The following FAM193A variants were observed in gnomAD, a reference collection of about 807,000 sequenced individuals.
The protein encoded by FAM193A is family with sequence similarity 193 member A, also known as protein FAM193A.
FAM193A carries 22 observed loss-of-function variants against 126.5 expected under a neutral mutation model. The ratio of observed to expected loss-of-function variants is 0.17; its 90% CI spans 0.12 to 0.25. FAM193A has a LOEUF of 0.25. Ranked by LOEUF, FAM193A falls within the 10% of genes least tolerant of loss-of-function variation. FAM193A has a pLI of 1.00. For synonymous variants in FAM193A, 761 were observed against 646.8 expected, an observed-to-expected ratio of 1.18 and a Z score of -2.68; for missense variants, 1,675 against 1,672.8, an observed-to-expected ratio of 1.00 and a Z score of -0.02.
intron 1 of FAM193A, among the ~76,000 whole-genome samples, chr4:2,576,977 T>G (rs1739623381): frequency 6.6e-6 from 1 of 152,250 alleles, no homozygotes; most frequent in South Asian, 2.1e-4. Flanking sequence ...CTGTAACATA[T>G]TCACAAAGCA....
intron 2 of FAM193A, chr4:2,608,244 T>A: frequency 1.2e-6 from 1 of 846,048 alleles, no homozygotes; most frequent in Non-Finnish European, 1.8e-6. Context: ...AGTGGTGCAA[T>A]CCTGATTCTC....
intron 8 of FAM193A, among the ~76,000 whole-genome samples, 185 bp from the exon 9 acceptor site, chr4:2,659,373 C>A (rs1712113223): frequency 6.6e-6 from 1 of 152,138 alleles, no homozygotes; most frequent in Non-Finnish European, 1.5e-5. Context: ...GTACCCGAGC[C>A]CTTTGCAGCT....
At chr4:2,594,361 C>T (rs1157714364) in intron 1 of FAM193A, among the ~76,000 whole-genome samples, 1 of 152,094 alleles carries the variant, frequency 6.6e-6, no homozygotes, top group African/African-American at 2.4e-5. Flanking sequence ...GGGGAGACAG[C>T]TCGAGGCTGT....
At chr4:2,700,961 T>C (rs991176136) in intron 19 of FAM193A, among the ~76,000 whole-genome samples, 1 of 150,386 alleles carries the variant, frequency 6.6e-6, no homozygotes, top group Admixed American at 6.6e-5. Context: ...AGACTCCATC[T>C]CAAAAAATAC....
At chr4:2,705,112 G>T (rs7677403) in intron 19 of FAM193A, among the ~76,000 whole-genome samples, 1 of 152,060 alleles carries the variant, frequency 6.6e-6, no homozygotes, top group Non-Finnish European at 1.5e-5. Context: ...GGGTTTCACC[G>T]TGTTAGCCGG....
intron 2 of FAM193A, among the ~76,000 whole-genome samples, chr4:2,619,163 T>G (rs1438703042): frequency 6.6e-6 from 1 of 152,230 alleles, no homozygotes; most frequent in African/African-American, 2.4e-5. Flanking sequence ...GTTTATTTAT[T>G]TATTGACATC....
At chr4:2,625,898 A>G (rs761876953) in intron 3 of FAM193A, among the ~76,000 whole-genome samples, 1 of 151,822 alleles carries the variant, frequency 6.6e-6, no homozygotes, top group Non-Finnish European at 1.5e-5. Flanking sequence ...TAATTTTTGT[A>G]TATTTTATAG....
chr4:2,662,403 A>G (rs1257289907), intron 10 of FAM193A, among the ~76,000 whole-genome samples: 3 of 152,224 alleles, frequency 2.0e-5, no homozygotes, highest in Admixed American at 6.5e-5. Context: ...AAAAGCAAAC[A>G]CTAAACAGCT....
At chr4:2,639,645 TGGGGAGG>T in intron 5 of FAM193A, 83 bp from the exon 6 acceptor site, 2 of 841,274 alleles carry the variant, frequency 2.4e-6, no homozygotes, top group Non-Finnish European at 3.4e-6. Context: ...TGGGGGGAAA[TGGGGAGG>T]GGGGAGGGAA....
chr4:2,690,049 G>GC (rs571121664), intron 14 of FAM193A, among the ~76,000 whole-genome samples: 4 of 152,114 alleles, frequency 2.6e-5, no homozygotes, highest in Non-Finnish European at 4.4e-5. Context: ...CCAGACCTCA[G>GC]CCCCCCCGGT....
At chr4:2,702,411 C>T (rs2109318307) in intron 19 of FAM193A, among the ~76,000 whole-genome samples, 1 of 152,326 alleles carries the variant, frequency 6.6e-6, no homozygotes, top group East Asian at 1.9e-4. Context: ...CCTGAACCAG[C>T]CATTTCTCCA....
chr4:2,650,496 CG>C (rs1745552624), intron 7 of FAM193A, among the ~76,000 whole-genome samples: 1 of 152,182 alleles, frequency 6.6e-6, no homozygotes, highest in South Asian at 2.1e-4. Context: ...TCTGGCCTCA[CG>C]GGTGCGGTAG....
chr4:2,635,045 A>G (rs1260751107), intron 5 of FAM193A, among the ~76,000 whole-genome samples: 1 of 152,186 alleles, frequency 6.6e-6, no homozygotes, highest in Non-Finnish European at 1.5e-5. Context: ...GAATATTCCA[A>G]TAAGTGTCTC....
At chr4:2,702,504 C>T (rs761326762) in intron 19 of FAM193A, among the ~76,000 whole-genome samples, 2 of 152,194 alleles carry the variant, frequency 1.3e-5, no homozygotes, top group Non-Finnish European at 2.9e-5. Context: ...TAGGCCCTCT[C>T]AGTCAGCAGA....
chr4:2,633,943 G>A (rs1208360142), intron 5 of FAM193A, among the ~76,000 whole-genome samples: 3 of 152,198 alleles, frequency 2.0e-5, no homozygotes, highest in East Asian at 3.8e-4. Context: ...GGCATGAAAG[G>A]GAGTAAGTCG....
At chr4:2,691,050 T>C (rs1315595886) in intron 15 of FAM193A, 80 bp downstream of exon 15, 1 of 1,348,822 alleles carries the variant, frequency 7.4e-7, no homozygotes, top group Non-Finnish European at 1.0e-6. Flanking sequence ...TAACTCATCT[T>C]TGTAACTGCC....
At chr4:2,607,718 C>T (rs1577068162) in intron 2 of FAM193A, among the ~76,000 whole-genome samples, 2 of 152,314 alleles carry the variant, frequency 1.3e-5, no homozygotes, top group South Asian at 4.1e-4. Context: ...ATAGCATGGC[C>T]TTACCCTCGC....
At chr4:2,641,247 A>G (rs926059751) in intron 6 of FAM193A, among the ~76,000 whole-genome samples, 3 of 150,530 alleles carry the variant, frequency 2.0e-5, no homozygotes, top group Non-Finnish European at 4.4e-5. Flanking sequence ...GGGTTTCACC[A>G]TGTTGGCCAG....
intron 2 of FAM193A, among the ~76,000 whole-genome samples, chr4:2,618,691 G>A (rs1464305198): frequency 1.3e-5 from 2 of 151,356 alleles, no homozygotes; most frequent in East Asian, 1.9e-4. Flanking sequence ...CTCCTCCTGG[G>A]TTCAAGTGAT....
Sources: gnomAD v4.1 joint callset for allele counts (sites outside exome capture counted in the v4.1 genomes callset) on GRCh38, gnomAD v4.1.1 for gene constraint, MANE v1.5 for transcripts, NCBI Gene and HGNC (gene_info 2026-07-23, HGNC 2026-07-21) for gene names.